The following HTT variants were observed in gnomAD, a reference collection of about 807,000 sequenced individuals.
HTT encodes the protein huntingtin, also known as huntington disease protein.
HTT carries 104 observed loss-of-function variants against 362.3 expected under a neutral mutation model. The ratio of observed to expected loss-of-function variants is 0.29; its 90% CI spans 0.24 to 0.34. HTT has a LOEUF of 0.34. HTT is among the 10% of genes least tolerant of loss of function. The probability of loss-of-function intolerance (pLI) is 1.00; values close to 1 mark genes in which losing one functional copy is unlikely to be tolerated. For synonymous variants in HTT, 1,577 were observed against 1,548.7 expected, an observed-to-expected ratio of 1.02 and a Z score of -0.43; for missense variants, 3,301 against 3,928.6, an observed-to-expected ratio of 0.84 and a Z score of 4.27.
At chr4:3,104,910 A>G (rs1477330896) in intron 4 of HTT, among the ~76,000 whole-genome samples, 1 of 152,156 alleles carries the variant, frequency 6.6e-6, no homozygotes, top group East Asian at 1.9e-4. Flanking sequence ...TCTCAAAAGA[A>G]AAACAAAAAA....
rs114476023 is a variant in HTT at position 3,121,242 on chromosome 4, G to A, written c.1083G>A (p.Thr361=). ...TCTGTTTCTAGGTTTATGAACTGAC[G>A]TTACATCATACACAGCACCAAGACC... The part of the protein sequence containing the change: ...AEQLVQVYEL[T]LHHTQHQDHN... The change falls in exon 9 of 67, where the codon ACG becomes ACA. Residue 361 remains threonine, a synonymous_variant. Transcript: ENST00000355072. The A allele has an allele frequency of 1.7e-5, 27 of 1,613,634 alleles. No homozygotes were observed. Among genetic ancestry groups the A allele is most frequent in the Non-Finnish European group, 2.3e-5 (27 of 1,179,564 alleles).
chr4:3,167,459 T>A (rs1240803957), intron 29 of HTT, among the ~76,000 whole-genome samples: 2 of 152,214 alleles, frequency 1.3e-5, no homozygotes, highest in African/African-American at 2.4e-5. Flanking sequence ...ATAACACATT[T>A]TAGCAAAATG....
At chr4:3,223,970 T>TC in intron 55 of HTT, 22 bp from the exon 56 acceptor site, 3 of 1,613,536 alleles carry the variant, frequency 1.9e-6, no homozygotes, top group Non-Finnish European at 2.5e-6. Context: ...AAAACACTCT[T>TC]TACCTTTTTT....
intron 28 of HTT, among the ~76,000 whole-genome samples, chr4:3,159,915 T>C (rs1717354393): frequency 6.6e-6 from 1 of 152,224 alleles, no homozygotes; most frequent in South Asian, 2.1e-4. Flanking sequence ...GGGATCCTAG[T>C]GTATAAGGAA....
chr4:3,235,820 G>A (rs1450439897), intron 63 of HTT, 42 bp downstream of exon 63: 6 of 1,470,962 alleles, frequency 4.1e-6, no homozygotes, highest in Admixed American at 3.6e-5. Flanking sequence ...CCCAAGTCCT[G>A]TTCAAGGGAG....
At chr4:3,182,958 A>AC (rs1404376139) in intron 37 of HTT, among the ~76,000 whole-genome samples, 2 of 151,964 alleles carry the variant, frequency 1.3e-5, no homozygotes, top group East Asian at 3.9e-4. Flanking sequence ...TCTCACTGCA[A>AC]CAACCTCTGC....
intron 27 of HTT, among the ~76,000 whole-genome samples, chr4:3,155,353 C>G (rs1717088587): frequency 2.0e-5 from 3 of 151,516 alleles, no homozygotes. Flanking sequence ...TCCTGAGTAG[C>G]TGGGACTACA....
At chr4:3,229,319 CACCA>C (rs1721102954) in intron 59 of HTT, among the ~76,000 whole-genome samples, 1 of 124,982 alleles carries the variant, frequency 8.0e-6, no homozygotes, top group South Asian at 2.8e-4. Context: ...CACACACACA[CACCA>C]CACACACCAC....
At chr4:3,209,492 C>T (rs1261518722) in intron 46 of HTT, among the ~76,000 whole-genome samples, 1 of 152,238 alleles carries the variant, frequency 6.6e-6, no homozygotes, top group Non-Finnish European at 1.5e-5. Context: ...AGCACCTGCC[C>T]TGCCCTGGTT....
chr4:3,155,890 T>A (rs1171817879), intron 27 of HTT, among the ~76,000 whole-genome samples: 1 of 146,664 alleles, frequency 6.8e-6, no homozygotes, highest in Non-Finnish European at 1.5e-5. Context: ...AGAGCGAGAC[T>A]CCGTCTCAAA....
intron 26 of HTT, among the ~76,000 whole-genome samples, chr4:3,152,930 C>T (rs764839571): frequency 4.0e-5 from 6 of 151,718 alleles, no homozygotes; most frequent in African/African-American, 2.4e-5. Context: ...GGATTACAGG[C>T]GTGAGCCACC....
At chr4:3,182,097 CAA>C (rs1560583153) in intron 36 of HTT, among the ~76,000 whole-genome samples, 1 of 152,332 alleles carries the variant, frequency 6.6e-6, no homozygotes, top group South Asian at 2.1e-4. Context: ...ATACAAATAA[CAA>C]TGATGGCAAA....
chr4:3,237,013 T>G (rs1363741942), intron 64 of HTT, among the ~76,000 whole-genome samples: 1 of 152,022 alleles, frequency 6.6e-6, no homozygotes, highest in Non-Finnish European at 1.5e-5. Flanking sequence ...CTCCACTGTT[T>G]GACCAGATGA....
intron 11 of HTT, among the ~76,000 whole-genome samples, chr4:3,126,654 A>G (rs1043143976): frequency 3.3e-5 from 5 of 152,180 alleles, no homozygotes; most frequent in South Asian, 2.1e-4. Context: ...TACCGACCCA[A>G]CTGCCCCAGG....
chr4:3,136,299 G>A lies in HTT; in HGVS notation c.2771G>A (p.Arg924Gln). ...HLLGDEDPRV[R>Q]HVAAASLIRL... ...CTTGGAGATGAAGACCCCAGGGTGCGACATGTTGCCGCAGCATCACTAATT... is the reference window on the plus strand; with the variant it reads ...CTTGGAGATGAAGACCCCAGGGTGCAACATGTTGCCGCAGCATCACTAATT... The change falls in exon 21 of 67, where the codon CGA becomes CAA. Residue 924 changes from arginine (R) to glutamine (Q), a missense_variant. Coordinates refer to ENST00000355072, the MANE Select transcript of HTT (RefSeq NM_001388492.1). 6.9e-6 allele frequency: 11 copies of A among 1,605,734 alleles called. No homozygotes were observed. The highest frequency in any genetic ancestry group is 1.3e-5 in the African/African-American group (1 of 74,792).
chr4:3,153,743 G>A (rs779752862), intron 26 of HTT, among the ~76,000 whole-genome samples: 8 of 152,222 alleles, frequency 5.3e-5, no homozygotes, highest in Non-Finnish European at 1.0e-4. Context: ...GCATCATAGT[G>A]TGAGATCCTG....
At chr4:3,177,617 A>G (rs935989112) in intron 34 of HTT, among the ~76,000 whole-genome samples, 1 of 152,236 alleles carries the variant, frequency 6.6e-6, no homozygotes, top group Non-Finnish European at 1.5e-5. Flanking sequence ...GTCAGTATTC[A>G]TTGCACATTT....
At chr4:3,208,393 G>A (rs1719972277) in intron 45 of HTT, among the ~76,000 whole-genome samples, 2 of 152,234 alleles carry the variant, frequency 1.3e-5, no homozygotes, top group Non-Finnish European at 2.9e-5. Context: ...TGGGATATTT[G>A]ATAGTGGAAT....
chr4:3,197,991 T>C (rs988938144), intron 40 of HTT, among the ~76,000 whole-genome samples: 7 of 152,168 alleles, frequency 4.6e-5, no homozygotes, highest in African/African-American at 1.7e-4. Context: ...GAGGGGACAA[T>C]GCTGACCAGG....
Sources: allele counts gnomAD v4.1 joint callset (sites outside exome capture counted in the v4.1 genomes callset), GRCh38; gene constraint gnomAD v4.1.1; transcripts MANE v1.5; gene names NCBI Gene and HGNC (gene_info 2026-07-23, HGNC 2026-07-21).